Variants in UNC13B observed in about 807,000 individuals in gnomAD.
The protein encoded by UNC13B is unc-13 homolog B.
In UNC13B, 144 loss-of-function variants were observed where a neutral mutation model predicts 211.0. That is an observed-to-expected ratio of 0.68 (90% confidence interval 0.60 to 0.78). The LOEUF is 0.78. UNC13B is among the 30% of genes least tolerant of loss of function. The pLI is 0.00. For missense variants in UNC13B, 1,777 were observed against 2,002.0 expected, an observed-to-expected ratio of 0.89 and a Z score of 2.14; for synonymous variants, 709 against 725.8, an observed-to-expected ratio of 0.98 and a Z score of 0.37.
chr9:35,401,731 C>G (rs1158884745), intron 37 of UNC13B, among the ~76,000 whole-genome samples: 1 of 152,122 alleles, frequency 6.6e-6, no homozygotes, highest in Non-Finnish European at 1.5e-5. Context: ...CTGTTTCTGC[C>G]CATGATTTGG....
At position 35,243,309 on chromosome 9, in the gene UNC13B, C is replaced by G. The variant is rs374199987; in HGVS notation, c.413C>G (p.Ala138Gly). Reference protein sequence around the residue: ...ELPFDIPEEEARYWTYKWEQI... With the variant: ...ELPFDIPEEEGRYWTYKWEQI... ...ATGGTAGATATCCCAGAGGAGGAAG[C>G]CAGATATTGGACCTACAAATGGGAG... is the stretch of plus-strand genomic sequence containing the variant. The change falls in exon 6 of 40, where the codon GCC becomes GGC. Residue 138 changes from alanine to glycine, a missense_variant. Transcript: ENST00000635942. 5 of 1,613,176 alleles carry G rather than the reference C, an allele frequency of 3.1e-6. No individual in the cohort carries two copies. Among genetic ancestry groups the G allele is most frequent in the Non-Finnish European group, 4.2e-6 (5 of 1,179,526 alleles).
chr9:35,294,838 CG>C (rs1554698301), intron 7 of UNC13B, among the ~76,000 whole-genome samples: 1 of 152,094 alleles, frequency 6.6e-6, no homozygotes, highest in Non-Finnish European at 1.5e-5. Flanking sequence ...CCAAGCACAG[CG>C]ATGATTTGTA....
intron 1 of UNC13B, among the ~76,000 whole-genome samples, chr9:35,165,363 A>G (rs1820977900): frequency 6.6e-6 from 1 of 152,016 alleles, no homozygotes; most frequent in African/African-American, 2.4e-5. Flanking sequence ...AATGAGTGGT[A>G]AGGATTCTAA....
rs187320771 is a variant in UNC13B at position 35,237,948 on chromosome 9, A to C, written c.394+122A>C. 2.5e-5 allele frequency: 26 copies of C among 1,055,918 alleles called. No homozygotes were observed. In the East Asian group the frequency reaches 6.3e-4, roughly 25 times the overall value. The allele number at this position is 1,055,918 out of a possible 1,614,324, so 65.4% of individuals were successfully genotyped here. ...TCTCCTTTGAGGATATTTTGTCTTC[A>C]TTCACTCTCTTTCTCATAACACTTC... On this transcript the variant is annotated intron_variant, in intron 5 of 39. Coordinates refer to ENST00000635942, the MANE Select transcript of UNC13B (RefSeq NM_001371189.2).
At chr9:35,233,626 C>T (rs990193536) in intron 3 of UNC13B, among the ~76,000 whole-genome samples, 3 of 152,106 alleles carry the variant, frequency 2.0e-5, no homozygotes, top group Admixed American at 6.6e-5. Context: ...CTTTTTCCTT[C>T]TCCATGATGT....
intron 7 of UNC13B, among the ~76,000 whole-genome samples, chr9:35,286,324 C>G (rs929415642): frequency 6.6e-6 from 1 of 151,408 alleles, no homozygotes; most frequent in Non-Finnish European, 1.5e-5. Context: ...CCTCCACCTC[C>G]CAAGTTCAAG....
chr9:35,248,410 T>C (rs1826235996), intron 6 of UNC13B, among the ~76,000 whole-genome samples: 1 of 152,218 alleles, frequency 6.6e-6, no homozygotes, highest in Non-Finnish European at 1.5e-5. Flanking sequence ...TTTGAATGTG[T>C]TTGCTCTTGC....
chr9:35,399,703 C>T lies in UNC13B; in HGVS notation c.12310C>T (p.Leu4104Phe). 1 of 1,614,088 alleles carries T rather than the reference C, an allele frequency of 6.2e-7. No homozygotes were observed. Among genetic ancestry groups the T allele is most frequent in the Non-Finnish European group, 8.5e-7 (1 of 1,180,008 alleles). The change falls in exon 36 of 40, where the codon CTT (leucine) becomes TTT (phenylalanine). Residue 4104 changes from leucine to phenylalanine, a missense_variant. Physicochemically the swap from Leu to Phe is conservative, Grantham distance 22 (BLOSUM62 0). Transcript: ENST00000635942. The part of the protein sequence containing the change: ...RNLTPKQCAV[L>F]DLALDTIKQY... The stretch of plus-strand genomic sequence containing the variant: ...TCTCACTCCAAAGCAGTGTGCAGTC[C>T]TTGACCTCGCCCTGGACACCATCAA...
chr9:35,361,378 G>C (rs1407612637), intron 11 of UNC13B: 1 of 152,164 alleles, frequency 6.6e-6, no homozygotes, highest in Non-Finnish European at 1.5e-5. Context: ...TTTAATGTTT[G>C]TCCAACGGGT....
At chr9:35,355,101 G>T (rs190952596) in intron 11 of UNC13B, among the ~76,000 whole-genome samples, 2,120 of 152,250 alleles carry the variant, frequency 0.014, 36 homozygotes, top group Non-Finnish European at 0.019. Flanking sequence ...TTACTGAAAT[G>T]GAAAGTTATC....
At position 35,342,314 on chromosome 9, in the gene UNC13B, C is replaced by T. The variant is rs1345909840; in HGVS notation, c.9415-24633C>T. On this transcript the variant is annotated intron_variant, in intron 11 of 39. Coordinates refer to ENST00000635942, the MANE Select transcript of UNC13B (RefSeq NM_001371189.2). ...TGGTTTTAATTTTTTTTTTTAATTTCCTTAACCCTTATTTTGGTTGCAGCA... is the reference window on the plus strand; with the variant it reads ...TGGTTTTAATTTTTTTTTTTAATTTTCTTAACCCTTATTTTGGTTGCAGCA... The T allele has an allele frequency of 3.0e-6, 3 of 985,152 alleles. No homozygotes were observed. In the African/African-American group the frequency reaches 5.3e-5, roughly 17 times the overall value. 61.0% of individuals were successfully genotyped at this position (985,152 alleles called of 1,614,324 possible).
intron 11 of UNC13B, among the ~76,000 whole-genome samples, chr9:35,329,830 C>T (rs1831267105): frequency 1.3e-5 from 2 of 152,108 alleles, no homozygotes; most frequent in African/African-American, 2.4e-5. Flanking sequence ...TTTGTTTTGG[C>T]AGCCCTAGAA....
chr9:35,261,229 C>CCATA (rs1827254925), intron 7 of UNC13B, among the ~76,000 whole-genome samples: 1 of 152,192 alleles, frequency 6.6e-6, no homozygotes, highest in South Asian at 2.1e-4. Flanking sequence ...ATCTCTGTCT[C>CCATA]CATACATACA....
At chr9:35,209,588 G>A (rs532373228) in intron 1 of UNC13B, among the ~76,000 whole-genome samples, 7 of 152,114 alleles carry the variant, frequency 4.6e-5, no homozygotes, top group South Asian at 2.1e-4. Context: ...ATGTTGGCCC[G>A]GCTGGTCTCA....
At chr9:35,319,654 C>CT (rs888294172) in intron 11 of UNC13B, among the ~76,000 whole-genome samples, 117 of 148,298 alleles carry the variant, frequency 7.9e-4, no homozygotes, top group African/African-American at 2.3e-3. Flanking sequence ...TTTTTTAAAA[C>CT]TTTTTTTTTT....
At chr9:35,328,604 C>T (rs1467483888) in intron 11 of UNC13B, among the ~76,000 whole-genome samples, 1 of 50,058 alleles carries the variant, frequency 2.0e-5, no homozygotes, top group Non-Finnish European at 4.1e-5. Context: ...TGTCCCCTTC[C>T]TTCCTTCCTT....
chr9:35,177,147 C>T (rs933617000), intron 1 of UNC13B, among the ~76,000 whole-genome samples: 1 of 152,008 alleles, frequency 6.6e-6, no homozygotes, highest in Non-Finnish European at 1.5e-5. Context: ...ATTAGTCGGG[C>T]GTGGTGGCCG....
At chr9:35,396,335 G>A (rs1835871436) in intron 26 of UNC13B, 141 bp from the exon 27 acceptor site, 1 of 1,003,116 alleles carries the variant, frequency 1.0e-6, no homozygotes, top group African/African-American at 1.6e-5. Context: ...GGGGAGAGAT[G>A]GCTGTGAGAA....
chr9:35,353,282 C>T (rs573162442), intron 11 of UNC13B: 8 of 1,232,164 alleles, frequency 6.5e-6, no homozygotes, highest in African/African-American at 4.7e-5. Flanking sequence ...TAAACTGGGC[C>T]GAGCAATTCA....
Sources: gnomAD v4.1 joint callset for allele counts (sites outside exome capture counted in the v4.1 genomes callset) on GRCh38, gnomAD v4.1.1 for gene constraint, MANE v1.5 for transcripts, NCBI Gene and HGNC (gene_info 2026-07-23, HGNC 2026-07-21) for gene names.